The following CALCRL variants were observed in gnomAD, a reference collection of about 807,000 sequenced individuals.
CALCRL encodes the protein calcitonin receptor like receptor.
A neutral mutation model predicts 60.4 loss-of-function variants in CALCRL; 27 were observed. The observed-to-expected ratio is 0.45, with a 90% confidence interval of 0.33 to 0.62. The LOEUF (loss-of-function observed/expected upper bound fraction) is 0.62. CALCRL is among the 20% of genes least tolerant of loss of function. The pLI is 0.03. For synonymous variants in CALCRL, 190 were observed against 182.6 expected (o/e 1.04, Z -0.33); for missense variants, 424 against 540.7 (o/e 0.78, Z 2.14).
rs774179049 is a variant in CALCRL, at chr2:187,385,616, T to C, written c.-21A>G. ...TCCATCATTAAGCCAAAATGAAATA[T>C]GCTGTATAACATAAACTGCAACAGA... On this transcript the variant is annotated 5_prime_UTR_variant, in exon 4 of 15. Transcript: ENST00000392370. The C allele has an allele frequency of 4.6e-5, 70 of 1,536,320 alleles. No individual in the cohort carries two copies. The Middle Eastern group carries it at 1.3e-3, about 30-fold the overall frequency.
chr2:187,385,682 T>C, intron 3 of CALCRL, 51 bp from the exon 4 acceptor site: 1 of 884,490 alleles, frequency 1.1e-6, no homozygotes, highest in Non-Finnish European at 1.8e-6. Context: ...ATGAAATAAA[T>C]GCAGATGATT....
At chr2:187,346,652 A>G (rs1382119624) in intron 14 of CALCRL, among the ~76,000 whole-genome samples, 1 of 151,844 alleles carries the variant, frequency 6.6e-6, no homozygotes, top group Non-Finnish European at 1.5e-5. Flanking sequence ...TTTGTCTTCA[A>G]AGCTTTTATA....
At chr2:187,389,373 T>C (rs1317865557) in intron 1 of CALCRL, among the ~76,000 whole-genome samples, 1 of 152,094 alleles carries the variant, frequency 6.6e-6, no homozygotes, top group African/African-American at 2.4e-5. Context: ...GTGCCTTGCC[T>C]CTATTACTTC....
intron 1 of CALCRL, among the ~76,000 whole-genome samples, chr2:187,416,289 A>G (rs374021614): frequency 2.6e-5 from 4 of 152,180 alleles, no homozygotes; most frequent in African/African-American, 9.6e-5. Flanking sequence ...TTTAAGCAGG[A>G]CATTCAGCAC....
chr2:187,399,764 A>G (rs958214566), intron 1 of CALCRL, among the ~76,000 whole-genome samples: 1 of 151,620 alleles, frequency 6.6e-6, no homozygotes, highest in Non-Finnish European at 1.5e-5. Flanking sequence ...ACAGAATACT[A>G]TTCAGCCATA....
At chr2:187,435,048 G>T (rs1180418718) in intron 1 of CALCRL, among the ~76,000 whole-genome samples, 1 of 152,170 alleles carries the variant, frequency 6.6e-6, no homozygotes, top group African/African-American at 2.4e-5. Flanking sequence ...GGACAATCTT[G>T]GGTCTAGGCA....
At chr2:187,348,322 AT>A (rs1686371698) in intron 14 of CALCRL, among the ~76,000 whole-genome samples, 1 of 151,700 alleles carries the variant, frequency 6.6e-6, no homozygotes, top group African/African-American at 2.4e-5. Flanking sequence ...GATGAGAAAT[AT>A]TTTTGATCCT....
rs141170051 is a variant in CALCRL, at chr2:187,361,793, C to T, written c.628-1042G>A. ...GCTAATATTTATACATCAATCAAATCTACAACCTGAACATTCCAATTTTGT... is the reference window on the plus strand; with the variant it reads ...GCTAATATTTATACATCAATCAAATTTACAACCTGAACATTCCAATTTTGT... On this transcript the variant is annotated intron_variant, in intron 9 of 14. Transcript: ENST00000392370. Among the ~76,000 whole-genome samples the T allele has an allele frequency of 4.8e-3, 729 of 152,042 alleles. 4 individuals are homozygous for T. The highest frequency in any genetic ancestry group is 0.016 in the East Asian group (84 of 5,180).
intron 12 of CALCRL, among the ~76,000 whole-genome samples, chr2:187,353,139 ATCTTTC>A (rs1686608338): frequency 6.6e-6 from 1 of 151,874 alleles, no homozygotes; most frequent in South Asian, 2.1e-4. Flanking sequence ...ATACAAGTTT[ATCTTTC>A]TCTTATTTTC....
chr2:187,411,887 T>A (rs1245671912), intron 1 of CALCRL, among the ~76,000 whole-genome samples: 1 of 147,250 alleles, frequency 6.8e-6, no homozygotes, highest in African/African-American at 2.5e-5. Flanking sequence ...TCACAGCTAC[T>A]CGGGAGGCTG....
chr2:187,437,005 T>A (rs12693469), intron 1 of CALCRL, among the ~76,000 whole-genome samples: 152,140 of 152,256 alleles, frequency 1, 76,012 homozygotes, highest in Middle Eastern at 1. Flanking sequence ...TATTCTTTAG[T>A]TGAGAATTTT....
chr2:187,442,851 A>C (rs560506423), intron 1 of CALCRL, among the ~76,000 whole-genome samples: 1 of 151,888 alleles, frequency 6.6e-6, no homozygotes, highest in Admixed American at 6.6e-5. Context: ...TCATATCACT[A>C]TTCAACTTTG....
chr2:187,396,703 G>A (rs1299831006), intron 1 of CALCRL, among the ~76,000 whole-genome samples: 1 of 151,654 alleles, frequency 6.6e-6, no homozygotes, highest in African/African-American at 2.4e-5. Context: ...AAACTCTCAT[G>A]AAAACTTCTA....
rs908828606 is a variant in CALCRL, at chr2:187,375,011, G to A, written c.500+3929C>T. 3.9e-5 allele frequency among the ~76,000 whole-genome samples: 6 copies of A among 152,134 alleles called. No homozygotes were observed. In the South Asian group the frequency reaches 1.0e-3, roughly 26 times the overall value. ...GAGTTGGCCGGGCGCGGTGGCTCAC[G>A]CCTGTAATCCCAGCACTTTGGGAGG... On this transcript the variant is annotated intron_variant, in intron 8 of 14. Transcript: ENST00000392370.
intron 1 of CALCRL, among the ~76,000 whole-genome samples, chr2:187,427,321 G>A (rs1322192516): frequency 6.6e-6 from 1 of 152,106 alleles, no homozygotes; most frequent in Non-Finnish European, 1.5e-5. Flanking sequence ...CACTTCATAG[G>A]TCCTTGGTCT....
At position 187,343,954 on chromosome 2, in the gene CALCRL, A is replaced by G. The variant is rs940307276; in HGVS notation, c.*2230T>C. 1.3e-5 allele frequency: 2 copies of G among 151,604 alleles called. No individual in the cohort carries two copies. The highest frequency in any genetic ancestry group is 2.4e-5 in the African/African-American group (1 of 41,408). 9.4% of individuals were successfully genotyped at this position (151,604 alleles called of 1,614,324 possible). On this transcript the variant is annotated 3_prime_UTR_variant, in exon 15 of 15. Transcript: ENST00000392370. Reference sequence around the variant, plus strand: ...CTAGAATTAATATTATAAAAGCACAACAAAAATACTTGAAAATTACATGTT... The same window carrying G: ...CTAGAATTAATATTATAAAAGCACAGCAAAAATACTTGAAAATTACATGTT...
chr2:187,352,950 A>G (rs750126874), intron 12 of CALCRL, among the ~76,000 whole-genome samples: 3 of 151,900 alleles, frequency 2.0e-5, no homozygotes, highest in Non-Finnish European at 4.4e-5. Context: ...TTGACATTCT[A>G]TAAGACTTCC....
At chr2:187,407,255 A>G (rs1250624823) in intron 1 of CALCRL, among the ~76,000 whole-genome samples, 1 of 152,152 alleles carries the variant, frequency 6.6e-6, no homozygotes, top group African/African-American at 2.4e-5. Context: ...ATTATCCATT[A>G]CAAATATGCA....
At chr2:187,379,060 G>T (rs1687883218) in intron 7 of CALCRL, 29 bp from the exon 8 acceptor site, 1 of 1,275,756 alleles carries the variant, frequency 7.8e-7, no homozygotes, top group Non-Finnish European at 1.1e-6. Context: ...AAAAAATTTG[G>T]TTCATATCAA....
Sources: allele counts gnomAD v4.1 joint callset (sites outside exome capture counted in the v4.1 genomes callset), GRCh38; gene constraint gnomAD v4.1.1; transcripts MANE v1.5; gene names NCBI Gene and HGNC (gene_info 2026-07-23, HGNC 2026-07-21).